ATG16L1: variants seen among roughly 807,000 people sequenced by gnomAD.
The protein encoded by ATG16L1 is autophagy related 16 like 1, also known as autophagy-related protein 16-1.
ATG16L1 carries 37 observed loss-of-function variants against 88.5 expected under a neutral mutation model. The ratio of observed to expected loss-of-function variants is 0.42; its 90% CI spans 0.32 to 0.55. The LOEUF is 0.55. Ranked by LOEUF, ATG16L1 falls within the 20% of genes least tolerant of loss-of-function variation. ATG16L1 has a pLI of 0.13. For missense variants in ATG16L1, 554 were observed against 752.8 expected (o/e 0.74, Z 3.09); for synonymous variants, 301 against 281.0 (o/e 1.07, Z -0.71).
intron 5 of ATG16L1, among the ~76,000 whole-genome samples, chr2:233,268,535 C>T (rs1697762196): frequency 6.6e-6 from 1 of 152,126 alleles, no homozygotes; most frequent in African/African-American, 2.4e-5. Flanking sequence ...CCCTGTGACC[C>T]TAAGTCAAGT....
rs975768697 is a variant in ATG16L1, at chr2:233,292,449, AC to A, written c.1628+21del. The A allele has an allele frequency of 3.7e-6, 6 of 1,607,600 alleles. No homozygotes were observed. Among genetic ancestry groups the A allele is most frequent in the East Asian group, 2.2e-5 (1 of 44,832 alleles). ...GTTGTCTTCAGGTTAGTAGTGACCC[AC>A]CCCCCGCCAATTTGGTTCATCACAA... On this transcript the variant is annotated intron_variant, in intron 16 of 17. Transcript: ENST00000392017.
intron 7 of ATG16L1, 36 bp from the exon 8 acceptor site, chr2:233,273,685 T>G: frequency 1.2e-6 from 2 of 1,603,746 alleles, no homozygotes; most frequent in Non-Finnish European, 1.7e-6. Context: ...GGCAAAATGT[T>G]TCTAAGGTTT....
At chr2:233,284,771 A>G (rs557812248) in intron 12 of ATG16L1, among the ~76,000 whole-genome samples, 80 of 152,336 alleles carry the variant, frequency 5.3e-4, no homozygotes, top group African/African-American at 1.9e-3. Flanking sequence ...CGCCTGGCCC[A>G]GATGAATTTC....
intron 2 of ATG16L1, 37 bp downstream of exon 2, chr2:233,256,232 C>G (rs1391577040): frequency 6.5e-7 from 1 of 1,536,628 alleles, no homozygotes; most frequent in Admixed American, 1.7e-5. Flanking sequence ...TATGTCTCCT[C>G]TAAGGAAATT....
At chr2:233,280,441 A>G (rs772814169) in intron 10 of ATG16L1, among the ~76,000 whole-genome samples, 34 of 152,340 alleles carry the variant, frequency 2.2e-4, no homozygotes, top group Middle Eastern at 6.8e-3. Flanking sequence ...TAAAGTGGAC[A>G]GTGGCTCTGT....
chr2:233,252,938 G>A (rs1696484705), intron 1 of ATG16L1, among the ~76,000 whole-genome samples: 1 of 152,068 alleles, frequency 6.6e-6, no homozygotes, highest in Admixed American at 6.6e-5. Flanking sequence ...ACCTTATATT[G>A]CATTCTGATT....
At chr2:233,270,341 AT>A (rs1697911219) in intron 6 of ATG16L1, among the ~76,000 whole-genome samples, 1 of 152,054 alleles carries the variant, frequency 6.6e-6, no homozygotes, top group Non-Finnish European at 1.5e-5. Context: ...TTTTAATTGT[AT>A]TTTGCTGGCT....
intron 8 of ATG16L1, chr2:233,274,285 G>A (rs1023637443): frequency 5.9e-6 from 3 of 504,600 alleles, no homozygotes; most frequent in Non-Finnish European, 1.0e-5. Flanking sequence ...AAGTGATGAG[G>A]TTGATTCTAA....
In ATG16L1 at chr2:233,259,710, C is replaced by T. The variant is rs142168063; in HGVS notation, c.210-3420C>T. Among the ~76,000 whole-genome samples, 798 of 152,240 alleles carry T rather than the reference C, an allele frequency of 5.2e-3. 4 individuals are homozygous for T. The highest frequency in any genetic ancestry group is 0.018 in the African/African-American group (763 of 41,538). Reference sequence around the variant, plus strand: ...ACTTCTTTGTTTCCATTCACAGTATCGTTGTTTTCCACTAGTCATCTATGG... The same window carrying T: ...ACTTCTTTGTTTCCATTCACAGTATTGTTGTTTTCCACTAGTCATCTATGG... On this transcript the variant is annotated intron_variant, in intron 2 of 17. Coordinates refer to ENST00000392017, the MANE Select transcript of ATG16L1 (RefSeq NM_030803.7).
intron 9 of ATG16L1, among the ~76,000 whole-genome samples, chr2:233,276,677 A>G (rs1269943889): frequency 6.6e-6 from 1 of 152,182 alleles, no homozygotes; most frequent in Non-Finnish European, 1.5e-5. Flanking sequence ...AGGTTTCGCC[A>G]CGTTGCCCAG....
chr2:233,251,816 G>C lies in ATG16L1; in HGVS notation c.-12G>C. On this transcript the variant is annotated 5_prime_UTR_variant, in exon 1 of 18. Transcript: ENST00000392017. ...GCATTGGTGGCGCTGAGGTGCCGGGGCAGCAAGTGACATGTCGTCGGGCCT... is the reference window on the plus strand; with the variant it reads ...GCATTGGTGGCGCTGAGGTGCCGGGCCAGCAAGTGACATGTCGTCGGGCCT... 1 of 1,548,986 alleles carries C rather than the reference G, an allele frequency of 6.5e-7. No individual in the cohort carries two copies. Among genetic ancestry groups the C allele is most frequent in the Non-Finnish European group, 8.7e-7 (1 of 1,146,288 alleles).
At chr2:233,289,408 T>TGTGAGAGAGAGA (rs144316394) in intron 12 of ATG16L1, among the ~76,000 whole-genome samples, 14 of 149,652 alleles carry the variant, frequency 9.4e-5, no homozygotes, top group African/African-American at 3.5e-4. Flanking sequence ...TGTGTGTGTG[T>TGTGAGAGAGAGA]GACAGGATCT....
At chr2:233,278,923 T>C (rs1559400944) in intron 10 of ATG16L1, among the ~76,000 whole-genome samples, 1 of 152,130 alleles carries the variant, frequency 6.6e-6, no homozygotes, top group Non-Finnish European at 1.5e-5. Context: ...TCATAAGAAA[T>C]TTTCACTTTG....
chr2:233,273,904 C>T (rs994441763), intron 8 of ATG16L1, 127 bp downstream of exon 8: 10 of 1,515,306 alleles, frequency 6.6e-6, no homozygotes, highest in Non-Finnish European at 9.0e-6. Flanking sequence ...GCCTTAATAT[C>T]AGCTTTTCAT....
chr2:233,256,320 C>T, intron 2 of ATG16L1, 125 bp downstream of exon 2: 1 of 790,914 alleles, frequency 1.3e-6, no homozygotes, highest in Non-Finnish European at 2.1e-6. Flanking sequence ...TTGTCAGCTC[C>T]TTTCAAATAA....
At chr2:233,278,317 C>T (rs1404378525) in intron 10 of ATG16L1, among the ~76,000 whole-genome samples, 2 of 152,158 alleles carry the variant, frequency 1.3e-5, no homozygotes, top group African/African-American at 2.4e-5. Context: ...CCAGTTTTGA[C>T]GTTTTCGAGA....
chr2:233,253,496 C>G (rs1207689651), intron 1 of ATG16L1, among the ~76,000 whole-genome samples: 1 of 151,796 alleles, frequency 6.6e-6, no homozygotes, highest in Non-Finnish European at 1.5e-5. Flanking sequence ...TAGGCAAGCA[C>G]CGCCACGCCC....
Position 233,293,278 on chromosome 2 carries a change from G to T in ATG16L1, c.1651G>T (p.Ala551Ser). 1 of 1,614,170 alleles carries T rather than the reference G, an allele frequency of 6.2e-7. No individual in the cohort carries two copies. The highest frequency in any genetic ancestry group is 8.5e-7 in the Non-Finnish European group (1 of 1,180,002). Residue 551 changes from alanine to serine, a missense_variant, in exon 17 of 18, where the codon GCA becomes TCA. Coordinates refer to ENST00000392017, the MANE Select transcript of ATG16L1 (RefSeq NM_030803.7). ...VFSPDGSYVA[A>S]GSAEGSLYIW... Reference sequence around the variant, plus strand: ...TAGCCCTGATGGCAGTTACGTGGCGGCAGGCTCTGCTGAGGGCTCTCTGTA... The same window carrying T: ...TAGCCCTGATGGCAGTTACGTGGCGTCAGGCTCTGCTGAGGGCTCTCTGTA...
At chr2:233,271,170 G>A (rs1697964564) in intron 6 of ATG16L1, among the ~76,000 whole-genome samples, 2 of 152,176 alleles carry the variant, frequency 1.3e-5, no homozygotes, top group South Asian at 4.1e-4. Context: ...TTGCATAACC[G>A]GGTTGACTGG....
Sources: allele counts gnomAD v4.1 joint callset (sites outside exome capture counted in the v4.1 genomes callset), GRCh38; gene constraint gnomAD v4.1.1; transcripts MANE v1.5; gene names NCBI Gene and HGNC (gene_info 2026-07-23, HGNC 2026-07-21).